Variants in LHFPL3 observed in about 807,000 individuals in gnomAD.
LHFPL3 encodes LHFPL tetraspan subfamily member 3 protein.
In LHFPL3, 5 loss-of-function variants were observed where a neutral mutation model predicts 19.3. The ratio of observed to expected loss-of-function variants is 0.26; its 90% confidence interval spans 0.14 to 0.54. The LOEUF is 0.54. Among genes scored for constraint, LHFPL3 ranks in the 20% least tolerant of loss-of-function variants. The pLI is 0.94. For missense variants in LHFPL3, 249 were observed against 307.4 expected (o/e 0.81, Z 1.42); for synonymous variants, 133 against 126.2 (o/e 1.05, Z -0.36).
chr7:104,811,774 A>G (rs1017194517), intron 2 of LHFPL3, among the ~76,000 whole-genome samples: 24 of 152,096 alleles, frequency 1.6e-4, no homozygotes, highest in African/African-American at 5.1e-4. Flanking sequence ...AGTTCTTTCC[A>G]CTTTTAGTTC....
At chr7:104,462,112 A>G (rs766724641) in intron 1 of LHFPL3, among the ~76,000 whole-genome samples, 14 of 152,230 alleles carry the variant, frequency 9.2e-5, no homozygotes, top group Non-Finnish European at 1.8e-4. Context: ...AACTGTGCTG[A>G]AGTTGTTTAT....
chr7:104,682,382 G>A (rs1038874136), intron 1 of LHFPL3, among the ~76,000 whole-genome samples: 1 of 152,062 alleles, frequency 6.6e-6, no homozygotes, highest in African/African-American at 2.4e-5. Flanking sequence ...CCACTGAACC[G>A]GAATCTGCAT....
chr7:104,453,064 C>G (rs1177896026), intron 1 of LHFPL3, among the ~76,000 whole-genome samples: 2 of 152,046 alleles, frequency 1.3e-5, no homozygotes, highest in Non-Finnish European at 2.9e-5. Context: ...AAATTCTTTT[C>G]CAGGTTACAA....
intron 1 of LHFPL3, among the ~76,000 whole-genome samples, chr7:104,725,010 A>G (rs1359706095): frequency 6.6e-6 from 1 of 152,188 alleles, no homozygotes; most frequent in East Asian, 1.9e-4. Flanking sequence ...CTCTTTTTGT[A>G]ACTTTCAGCA....
chr7:104,741,002 T>A (rs1416152702), intron 2 of LHFPL3, among the ~76,000 whole-genome samples: 1 of 152,220 alleles, frequency 6.6e-6, no homozygotes, highest in African/African-American at 2.4e-5. Flanking sequence ...TGTTGAACTA[T>A]GCTCTACTCA....
chr7:104,409,443 T>C (rs1355637031), intron 1 of LHFPL3, among the ~76,000 whole-genome samples: 1 of 151,892 alleles, frequency 6.6e-6, no homozygotes, highest in African/African-American at 2.4e-5. Flanking sequence ...GAATAGACTT[T>C]TTGAAAAATC....
At chr7:104,640,651 T>C (rs976017348) in intron 1 of LHFPL3, among the ~76,000 whole-genome samples, 2 of 152,238 alleles carry the variant, frequency 1.3e-5, no homozygotes, top group Non-Finnish European at 2.9e-5. Flanking sequence ...CTTGCCAGCA[T>C]CTGTTGTTTC....
chr7:104,768,169 G>C (rs1490978606), intron 2 of LHFPL3, among the ~76,000 whole-genome samples: 1 of 147,556 alleles, frequency 6.8e-6, no homozygotes, highest in Non-Finnish European at 1.5e-5. Context: ...CAAGAACATT[G>C]CCTCTGCTTT....
chr7:104,497,422 T>C (rs1168046185), intron 1 of LHFPL3, among the ~76,000 whole-genome samples: 1 of 150,618 alleles, frequency 6.6e-6, no homozygotes, highest in African/African-American at 2.4e-5. Flanking sequence ...GGTACACATA[T>C]AACGTGAGGG....
Position 104,609,548 on chromosome 7 carries a change from C to A in LHFPL3, c.446-127127C>A, listed in dbSNP as rs140499055. 5.3e-5 allele frequency among the ~76,000 whole-genome samples: 8 copies of A among 152,216 alleles called. No homozygotes were observed. In the East Asian group the frequency reaches 1.5e-3, roughly 29 times the overall value. On this transcript the variant is annotated intron_variant, in intron 1 of 2. Coordinates refer to ENST00000424859, the MANE Select transcript of LHFPL3 (RefSeq NM_199000.3). ...AATGAGCAAGAGAGGCAAAGAATCA[C>A]CAGTAATGAAAATGGTGCAGAGAAT...
intron 1 of LHFPL3, among the ~76,000 whole-genome samples, chr7:104,525,559 A>T (rs549252722): frequency 4.6e-5 from 7 of 150,990 alleles, no homozygotes; most frequent in Middle Eastern, 6.8e-3. Context: ...CAGAGTAATG[A>T]TCCTCCAGGT....
At chr7:104,682,796 T>C (rs911918202) in intron 1 of LHFPL3, among the ~76,000 whole-genome samples, 3 of 152,252 alleles carry the variant, frequency 2.0e-5, no homozygotes, top group African/African-American at 7.2e-5. Flanking sequence ...TGCAACCATT[T>C]GAATTCAAGC....
intron 1 of LHFPL3, among the ~76,000 whole-genome samples, chr7:104,618,833 T>A (rs1548938): frequency 6.6e-6 from 1 of 152,196 alleles, no homozygotes; most frequent in Non-Finnish European, 1.5e-5. Context: ...AGTCCCTTAA[T>A]GGTAGTGCTG....
At chr7:104,397,252 A>G (rs556032734) in intron 1 of LHFPL3, among the ~76,000 whole-genome samples, 62 of 152,262 alleles carry the variant, frequency 4.1e-4, no homozygotes, top group African/African-American at 1.4e-3. Flanking sequence ...GTGATTTTAT[A>G]TTATGTAATA....
At chr7:104,409,798 G>A (rs1385883091) in intron 1 of LHFPL3, among the ~76,000 whole-genome samples, 1 of 152,108 alleles carries the variant, frequency 6.6e-6, no homozygotes, top group Non-Finnish European at 1.5e-5. Context: ...CTTTGCTTGT[G>A]TGTCTGACAA....
intron 1 of LHFPL3, among the ~76,000 whole-genome samples, chr7:104,557,611 G>A (rs1007569948): frequency 6.6e-6 from 1 of 152,092 alleles, no homozygotes; most frequent in East Asian, 1.9e-4. Context: ...ATCCCTGCCT[G>A]TTTCACCATG....
At chr7:104,780,050 C>T (rs961746498) in intron 2 of LHFPL3, among the ~76,000 whole-genome samples, 1 of 152,236 alleles carries the variant, frequency 6.6e-6, no homozygotes, top group Non-Finnish European at 1.5e-5. Flanking sequence ...GAACTCCCTT[C>T]ATCCACAAGC....
chr7:104,572,534 A>G (rs1790248717), intron 1 of LHFPL3, among the ~76,000 whole-genome samples: 1 of 152,192 alleles, frequency 6.6e-6, no homozygotes. Context: ...CATTCTTAAT[A>G]ATAGTCAACA....
chr7:104,765,465 A>G (rs968390990), intron 2 of LHFPL3, among the ~76,000 whole-genome samples: 3 of 152,214 alleles, frequency 2.0e-5, no homozygotes, highest in Non-Finnish European at 4.4e-5. Flanking sequence ...AATTATTTCT[A>G]TTGGGGAGGG....
Sources: gnomAD v4.1 joint callset for allele counts (sites outside exome capture counted in the v4.1 genomes callset) on GRCh38, gnomAD v4.1.1 for gene constraint, MANE v1.5 for transcripts, NCBI Gene and HGNC (gene_info 2026-07-23, HGNC 2026-07-21) for gene names.